The following ANKRD17 variants were observed in gnomAD, a reference collection of about 807,000 sequenced individuals.
The protein encoded by ANKRD17 is ankyrin repeat domain 17, also known as ankyrin repeat domain-containing protein 17.
In ANKRD17, 19 loss-of-function variants were observed where a neutral mutation model predicts 229.7. That is an observed-to-expected ratio of 0.08 (90% CI 0.06 to 0.12). ANKRD17 has a LOEUF of 0.12. ANKRD17 is among the 10% of genes least tolerant of loss of function. The pLI is 1.00. For synonymous variants in ANKRD17, 1,112 were observed against 1,146.1 expected (o/e 0.97, Z 0.60); for missense variants, 2,176 against 3,176.8 (o/e 0.68, Z 7.57).
At chr4:73,250,589 CAAAA>C (rs35160047) in intron 1 of ANKRD17, among the ~76,000 whole-genome samples, 49 of 29,402 alleles carry the variant, frequency 1.7e-3, no homozygotes, top group African/African-American at 4.9e-3. Flanking sequence ...GACCTTGTCT[CAAAA>C]AAAAAAAAAA....
chr4:73,085,297 G>C lies in ANKRD17; in HGVS notation c.7111C>G (p.His2371Asp), dbSNP rs1260052583. 6.2e-7 allele frequency: 1 copy of C among 1,614,008 alleles called. No individual in the cohort carries two copies. Among genetic ancestry groups the C allele is most frequent in the Non-Finnish European group, 8.5e-7 (1 of 1,180,018 alleles). Residue 2371 changes from histidine (H) to aspartate (D), a missense_variant, in exon 30 of 34, where the codon CAT becomes GAT. Physicochemically the swap from His to Asp is moderately conservative, Grantham distance 81. Around this residue, in one of 18 missense-constraint regions of ANKRD17, gnomAD observed 87 missense variants for 116.0 expected, o/e 0.75. Coordinates refer to ENST00000358602, the MANE Select transcript of ANKRD17 (RefSeq NM_032217.5). ...APAAANFNRQ[H>D]FSPLSLLTPC... ...GTCAACAAACTAAGCGGGGAAAAAT[G>C]TTGTCTGTTAAAGTTAGCAGCTGCG... is the stretch of plus-strand genomic sequence containing the variant.
chr4:73,142,355 T>C lies in ANKRD17; in HGVS notation c.2116A>G (p.Lys706Glu), dbSNP rs1456611353. ...DGSTMLIEAA[K>E]GGHTSVVCYL... is the part of the protein sequence containing the mutation. ...CAAACAACACTTGTATGGCCACCTT[T>C]TGCTGCTTCTATCAACATAGTTGAG... Residue 706 changes from lysine (K) to glutamate (E), a missense_variant, in exon 13 of 34, where the codon AAA becomes GAA. Coordinates refer to ENST00000358602, the MANE Select transcript of ANKRD17 (RefSeq NM_032217.5). 1 of 1,587,774 alleles carries C rather than the reference T, an allele frequency of 6.3e-7. No homozygotes were observed. The highest frequency in any genetic ancestry group is 8.5e-7 in the Non-Finnish European group (1 of 1,174,316).
chr4:73,125,745 A>AAAAAAAAAAAAAAAG (rs556235831), intron 16 of ANKRD17, among the ~76,000 whole-genome samples: 4 of 144,396 alleles, frequency 2.8e-5, no homozygotes, highest in Admixed American at 7.0e-5. Context: ...AAAAAAAAAA[A>AAAAAAAAAAAAAAAG]AAAAGAAAAG....
chr4:73,139,231 T>TA (rs1235100168), intron 15 of ANKRD17, among the ~76,000 whole-genome samples: 1 of 151,862 alleles, frequency 6.6e-6, no homozygotes, highest in African/African-American at 2.4e-5. Context: ...ATTCTGAACT[T>TA]AAAGGAAAAA....
At chr4:73,127,243 T>C (rs573310479) in intron 16 of ANKRD17, among the ~76,000 whole-genome samples, 14 of 152,234 alleles carry the variant, frequency 9.2e-5, no homozygotes, top group Admixed American at 2.6e-4. Flanking sequence ...CCAAAATGAT[T>C]TGATCACTCC....
Position 73,147,312 on chromosome 4 carries a change from C to G in ANKRD17, c.1688G>C (p.Gly563Ala), listed in dbSNP as rs1198742385. 6.2e-7 allele frequency: 1 copy of G among 1,608,882 alleles called. No homozygotes were observed. The highest frequency in any genetic ancestry group is 8.5e-7 in the Non-Finnish European group (1 of 1,177,172). ...LIKAGADIEL[G>A]CSTPLMEAAQ... The stretch of plus-strand genomic sequence containing the variant: ...AGCTTCCATTAAAGGGGTAGAACAC[C>G]CTAGTTCTATATCGGCTCCTGCCTT... The change falls in exon 9 of 34, where the codon GGG (glycine) becomes GCG (alanine). Residue 563 changes from glycine (G) to alanine (A), a missense_variant. By Grantham distance (60) the Gly-to-Ala change is moderately conservative. Coordinates refer to ENST00000358602, the MANE Select transcript of ANKRD17 (RefSeq NM_032217.5).
intron 15 of ANKRD17, among the ~76,000 whole-genome samples, chr4:73,136,641 C>T (rs1164146404): frequency 3.3e-5 from 5 of 151,892 alleles, no homozygotes; most frequent in Non-Finnish European, 4.4e-5. Flanking sequence ...GATAATCTAG[C>T]GATCTGGATA....
At chr4:73,245,039 A>C (rs1225897410) in intron 1 of ANKRD17, among the ~76,000 whole-genome samples, 6 of 152,164 alleles carry the variant, frequency 3.9e-5, no homozygotes, top group Admixed American at 3.9e-4. Context: ...TACTAAAAAG[A>C]AGCTTTCTCA....
chr4:73,223,190 G>A (rs1430269195), intron 1 of ANKRD17: 1 of 557,096 alleles, frequency 1.8e-6, no homozygotes, highest in Non-Finnish European at 3.0e-6. Flanking sequence ...AGCAGGGGGT[G>A]ACTCACTGTG....
chr4:73,092,053 A>G lies in ANKRD17; in HGVS notation c.5575T>C (p.Ser1859Pro). ...ATALTVPAIS[S>P]ASTHKTIKNP... The stretch of plus-strand genomic sequence containing the variant: ...TTAATGGTTTTGTGAGTGGATGCAG[A>G]AGAAATTGCAGGCACAGTGAGTGCT... Residue 1859 changes from serine to proline, a missense_variant, in exon 29 of 34, where the codon TCT becomes CCT. Ser to Pro is a moderately conservative substitution (Grantham distance 74). This residue lies in a region of ANKRD17 where 142 missense variants were observed against 200.4 expected (regional missense o/e 0.71). Transcript: ENST00000358602. 6.2e-7 allele frequency: 1 copy of G among 1,614,232 alleles called. No individual in the cohort carries two copies. The highest frequency in any genetic ancestry group is 8.5e-7 in the Non-Finnish European group (1 of 1,180,052).
intron 15 of ANKRD17, among the ~76,000 whole-genome samples, chr4:73,138,087 T>C (rs953034382): frequency 6.6e-5 from 10 of 152,192 alleles, no homozygotes; most frequent in African/African-American, 2.2e-4. Flanking sequence ...TAGAGCACTA[T>C]TATGATCTGA....
At chr4:73,089,417 T>C (rs1028653367) in intron 29 of ANKRD17, among the ~76,000 whole-genome samples, 1 of 152,114 alleles carries the variant, frequency 6.6e-6, no homozygotes, top group East Asian at 1.9e-4. Flanking sequence ...CCATAGACCA[T>C]AGTGTGTCCA....
At chr4:73,174,058 G>A (rs939354892) in intron 2 of ANKRD17, among the ~76,000 whole-genome samples, 1 of 148,580 alleles carries the variant, frequency 6.7e-6, no homozygotes, top group Non-Finnish European at 1.5e-5. Context: ...GGGGAGGGGA[G>A]GGGAAGGGAG....
Position 73,121,522 on chromosome 4 carries a change from GATT to G in ANKRD17, c.3635+92_3635+94del. On this transcript the variant is annotated intron_variant, in intron 19 of 33. Transcript: ENST00000358602. ...TTGAATGCCAAATTTGTAATAAAGG[GATT>G]TACTAAATTTGGCACTAAAAAATAG... 7.8e-6 allele frequency: 11 copies of G among 1,416,410 alleles called. 1 individual carries two copies. In the South Asian group the frequency reaches 1.2e-4, roughly 16 times the overall value. 87.7% of individuals were successfully genotyped at this position (1,416,410 alleles called of 1,614,324 possible).
At chr4:73,131,345 T>G (rs1728177130) in intron 16 of ANKRD17, among the ~76,000 whole-genome samples, 1 of 152,236 alleles carries the variant, frequency 6.6e-6, no homozygotes, top group East Asian at 1.9e-4. Context: ...GTTAAAAATA[T>G]TAGCTCCTGT....
intron 1 of ANKRD17, among the ~76,000 whole-genome samples, chr4:73,195,164 G>A (rs534285429): frequency 6.6e-6 from 1 of 152,114 alleles, no homozygotes; most frequent in Admixed American, 6.5e-5. Context: ...GAATTACATT[G>A]ATGGATCAGT....
chr4:73,124,592 C>A (rs1278510135), intron 18 of ANKRD17, among the ~76,000 whole-genome samples: 1 of 152,138 alleles, frequency 6.6e-6, no homozygotes, highest in Non-Finnish European at 1.5e-5. Context: ...ATGCCATGTA[C>A]TATAGGGCAG....
chr4:73,135,198 T>A lies in ANKRD17; in HGVS notation c.3153A>T (p.Gln1051His). The A allele has an allele frequency of 6.2e-7, 1 of 1,613,624 alleles. No homozygotes were observed. The highest frequency in any genetic ancestry group is 8.5e-7 in the Non-Finnish European group (1 of 1,179,754). The stretch of plus-strand genomic sequence containing the variant: ...TAGGACTTGGAGTTGGAGTCTGAGG[T>A]TGGGAAATGGATGCAGCAATACTGT... ...PTHSIAASIS[Q>H]PQTPTPSPII... Residue 1051 changes from glutamine to histidine, a missense_variant, in exon 16 of 34, where the codon CAA becomes CAT. By Grantham distance (24) the Gln-to-His change is conservative. Transcript: ENST00000358602.
intron 1 of ANKRD17, among the ~76,000 whole-genome samples, chr4:73,210,082 C>T (rs1026301360): frequency 1.3e-5 from 2 of 151,714 alleles, no homozygotes; most frequent in African/African-American, 4.8e-5. Context: ...TTATGGAGGC[C>T]CTACTTAAGG....
Sources: gnomAD v4.1 joint callset for allele counts (sites outside exome capture counted in the v4.1 genomes callset) on GRCh38, gnomAD v4.1.1 for gene constraint, gnomAD v4.1.1 regional missense constraint, MANE v1.5 for transcripts, NCBI Gene and HGNC (gene_info 2026-07-23, HGNC 2026-07-21) for gene names.